IL10RB: variants seen among roughly 807,000 people sequenced by gnomAD.
IL10RB encodes interleukin 10 receptor subunit beta, also known as interleukin-10 receptor subunit beta.
A neutral mutation model predicts 38.7 loss-of-function variants in IL10RB; 30 were observed. The ratio of observed to expected loss-of-function variants is 0.78; its 90% confidence interval spans 0.58 to 1.05. The LOEUF is 1.05. Among genes scored for constraint, IL10RB ranks in the 50% least tolerant of loss-of-function variants. IL10RB has a pLI of 0.00. For synonymous variants in IL10RB, 142 were observed against 145.9 expected, an observed-to-expected ratio of 0.97 and a Z score of 0.19; for missense variants, 328 against 397.1, an observed-to-expected ratio of 0.83 and a Z score of 1.48.
chr21:33,283,304 C>T, intron 5 of IL10RB, 63 bp downstream of exon 5: 1 of 1,487,328 alleles, frequency 6.7e-7, no homozygotes, highest in Admixed American at 1.7e-5. Context: ...CTGCCCTAGA[C>T]ATGATTGCAT....
intron 6 of IL10RB, 83 bp downstream of exon 6, chr21:33,288,344 GACA>G (rs1194254492): frequency 5.9e-5 from 71 of 1,200,046 alleles, no homozygotes; most frequent in Non-Finnish European, 8.2e-5. Context: ...CCCAATTCCA[GACA>G]ACATGTTTTC....
intron 2 of IL10RB, among the ~76,000 whole-genome samples, chr21:33,271,233 A>G (rs115429796): frequency 1.2e-4 from 19 of 152,322 alleles, no homozygotes; most frequent in African/African-American, 4.1e-4. Flanking sequence ...AGAGTTGTTT[A>G]GAGTTTAGCA....
chr21:33,276,706 A>T lies in IL10RB; in HGVS notation c.284A>T (p.Asp95Val), dbSNP rs759235490. ...TTGAGAGTCAGGGCTGAATTTGCAG[A>T]TGAGCATTCAGACTGGGTAAACATC... Reference protein sequence around the residue: ...HTLRVRAEFADEHSDWVNITF... With the variant: ...HTLRVRAEFAVEHSDWVNITF... Residue 95 changes from aspartate (D) to valine (V), a missense_variant, in exon 3 of 7, where the codon GAT becomes GTT. Physicochemically the swap from Asp to Val is radical, Grantham distance 152. Coordinates refer to ENST00000290200, the MANE Select transcript of IL10RB (RefSeq NM_000628.5). 2 of 1,614,062 alleles carry T rather than the reference A, an allele frequency of 1.2e-6. No individual in the cohort carries two copies. The highest frequency in any genetic ancestry group is 3.3e-5 in the Admixed American group (2 of 60,026).
At chr21:33,304,324 A>C (rs1024417021) in intron 1 of IL10RB, among the ~76,000 whole-genome samples, 9 of 152,182 alleles carry the variant, frequency 5.9e-5, no homozygotes, top group South Asian at 2.1e-4. Context: ...AGTGATTGAC[A>C]CTAAGCCCAG....
chr21:33,307,478 G>GTCTCAAGA (rs1341819665), intron 1 of IL10RB, among the ~76,000 whole-genome samples: 1 of 152,158 alleles, frequency 6.6e-6, no homozygotes, highest in Non-Finnish European at 1.5e-5. Flanking sequence ...CCAAGACCAT[G>GTCTCAAGA]CTTCTGTCTG....
chr21:33,303,980 A>C (rs939672716), intron 1 of IL10RB, among the ~76,000 whole-genome samples: 1 of 152,186 alleles, frequency 6.6e-6, no homozygotes, highest in Admixed American at 6.5e-5. Context: ...AGTAGGATGG[A>C]GCAGCTCCCT....
Position 33,268,448 on chromosome 21 carries a change from A to G in IL10RB, c.104A>G (p.Lys35Arg), listed in dbSNP as rs1185486876. Reference protein sequence around the residue: ...ENVRMNSVNFKNILQWESPAF... With the variant: ...ENVRMNSVNFRNILQWESPAF... ...GTCAGAATGAATTCTGTTAATTTCA[A>G]GAACATTCTACAGTGGGAGTCACCT... The change falls in exon 2 of 7, where the codon AAG (lysine) becomes AGG (arginine). Residue 35 changes from lysine to arginine, a missense_variant. Lys to Arg is a conservative substitution (Grantham distance 26). Transcript: ENST00000290200. 12 of 1,614,168 alleles carry G rather than the reference A, an allele frequency of 7.4e-6. No individual in the cohort carries two copies. The highest frequency in any genetic ancestry group is 9.3e-6 in the Non-Finnish European group (11 of 1,179,954).
chr21:33,269,316 C>T (rs1164729904), intron 2 of IL10RB, among the ~76,000 whole-genome samples: 2 of 152,356 alleles, frequency 1.3e-5, no homozygotes, highest in East Asian at 1.9e-4. Context: ...GCAGGTGACA[C>T]ACCTTTAGGC....
chr21:33,309,360 A>G (rs2083006520), exon 2 of IL10RB: 1 of 152,234 alleles, frequency 6.6e-6, no homozygotes, highest in Non-Finnish European at 1.5e-5. Flanking sequence ...AGCTTACCAA[A>G]TAATCACAAG....
At chr21:33,301,751 A>G (rs1364534305), downstream of IL10RB, among the ~76,000 whole-genome samples, 4 of 152,246 alleles carry the variant, frequency 2.6e-5, no homozygotes, top group African/African-American at 7.2e-5. Context: ...AGTTAAGCAG[A>G]TACTATTATC....
intron 6 of IL10RB, among the ~76,000 whole-genome samples, chr21:33,288,840 A>G (rs2247960): frequency 0.39 from 59,805 of 152,132 alleles, 12,260 homozygotes; most frequent in Non-Finnish European, 0.45. Context: ...AACTCTGGAT[A>G]GTCACTGACA....
intron 5 of IL10RB, among the ~76,000 whole-genome samples, chr21:33,283,908 C>G (rs544355371): frequency 6.6e-6 from 1 of 152,164 alleles, no homozygotes; most frequent in Non-Finnish European, 1.5e-5. Flanking sequence ...AAACAGCAGG[C>G]CTTCCTATAA....
chr21:33,270,971 A>T (rs1242588943), intron 2 of IL10RB, among the ~76,000 whole-genome samples: 1 of 152,188 alleles, frequency 6.6e-6, no homozygotes, highest in Non-Finnish European at 1.5e-5. Flanking sequence ...TACCACACCC[A>T]GCCCATGCCA....
downstream of IL10RB, among the ~76,000 whole-genome samples, chr21:33,300,627 G>A (rs1255224387): frequency 6.6e-6 from 1 of 152,232 alleles, no homozygotes; most frequent in Non-Finnish European, 1.5e-5. Context: ...AGATGCTACA[G>A]TCTGGATGTT....
Position 33,296,477 on chromosome 21 carries a change from G to T in IL10RB, c.*120G>T, listed in dbSNP as rs1245362472. 1 of 959,118 alleles carries T rather than the reference G, an allele frequency of 1.0e-6. No individual in the cohort carries two copies. The highest frequency in any genetic ancestry group is 1.6e-6 in the Non-Finnish European group (1 of 616,188). The allele number at this position is 959,118 out of a possible 1,614,324, so 59.4% of individuals were successfully genotyped here. A position where few individuals can be genotyped will look rare whatever the true frequency, so the allele number is the denominator to read the frequency against. On this transcript the variant is annotated 3_prime_UTR_variant, in exon 7 of 7. Transcript: ENST00000290200. Reference sequence around the variant, plus strand: ...ACCATCTGAGCCAGCCCCACATCTAGAACTCCCAGACCCTGGACTTAGCCA... The same window carrying T: ...ACCATCTGAGCCAGCCCCACATCTATAACTCCCAGACCCTGGACTTAGCCA...
chr21:33,289,483 C>T (rs910512945), intron 6 of IL10RB, among the ~76,000 whole-genome samples: 1 of 152,182 alleles, frequency 6.6e-6, no homozygotes, highest in Non-Finnish European at 1.5e-5. Flanking sequence ...GGAGCCTGTG[C>T]TGTAGGGGCT....
downstream of IL10RB, among the ~76,000 whole-genome samples, chr21:33,300,312 G>A (rs951872022): frequency 4.6e-5 from 7 of 151,890 alleles, no homozygotes; most frequent in Non-Finnish European, 7.4e-5. Flanking sequence ...GTGGTGGCAG[G>A]TGCCTGTAAT....
chr21:33,292,275 A>G (rs1989503813), intron 6 of IL10RB, among the ~76,000 whole-genome samples: 1 of 152,108 alleles, frequency 6.6e-6, no homozygotes, highest in African/African-American at 2.4e-5. Flanking sequence ...CACGGCCCAA[A>G]GCTCTGCCCG....
At chr21:33,266,864 A>G (rs1988961396) in intron 1 of IL10RB, among the ~76,000 whole-genome samples, 1 of 152,124 alleles carries the variant, frequency 6.6e-6, no homozygotes, top group Non-Finnish European at 1.5e-5. Context: ...CGTGGCTGTC[A>G]TCTGACCCTT....
Sources: gnomAD v4.1 joint callset for allele counts (sites outside exome capture counted in the v4.1 genomes callset) on GRCh38, gnomAD v4.1.1 for gene constraint, MANE v1.5 for transcripts, NCBI Gene and HGNC (gene_info 2026-07-23, HGNC 2026-07-21) for gene names.